AGPS: variants seen among roughly 807,000 people sequenced by gnomAD.
AGPS encodes alkylglycerone phosphate synthase, also known as alkyldihydroxyacetonephosphate synthase, peroxisomal.
AGPS carries 26 observed loss-of-function variants against 90.7 expected under a neutral mutation model. The ratio of observed to expected loss-of-function variants is 0.29; its 90% CI spans 0.21 to 0.40. The LOEUF (loss-of-function observed/expected upper bound fraction) is 0.40, where lower values mean the gene tolerates loss of function less well. AGPS is among the 10% of genes least tolerant of loss of function. The pLI is 1.00. For missense variants in AGPS, 540 were observed against 816.1 expected (o/e 0.66, Z 4.12); for synonymous variants, 294 against 285.3 (o/e 1.03, Z -0.31).
intron 10 of AGPS, among the ~76,000 whole-genome samples, chr2:177,476,944 C>G (rs1431086541): frequency 6.6e-6 from 1 of 151,892 alleles, no homozygotes; most frequent in Non-Finnish European, 1.5e-5. Flanking sequence ...CAGTCTGTTT[C>G]GTATGATATT....
At chr2:177,438,770 A>G (rs1686499707) in intron 5 of AGPS, among the ~76,000 whole-genome samples, 1 of 152,128 alleles carries the variant, frequency 6.6e-6, no homozygotes, top group Admixed American at 6.5e-5. Flanking sequence ...TTATAATTTT[A>G]TTCTGTTCAA....
intron 13 of AGPS, among the ~76,000 whole-genome samples, chr2:177,499,121 A>G (rs865865622): frequency 6.6e-6 from 1 of 151,820 alleles, no homozygotes; most frequent in South Asian, 2.1e-4. Flanking sequence ...TGTGTTTTAG[A>G]TATGTTTCCT....
At chr2:177,504,334 T>G (rs1220297923) in intron 14 of AGPS, among the ~76,000 whole-genome samples, 3 of 139,620 alleles carry the variant, frequency 2.1e-5, no homozygotes, top group African/African-American at 7.9e-5. Flanking sequence ...GCTTTCTACC[T>G]CCAACCTCAC....
chr2:177,520,318 T>C (rs931068586), intron 17 of AGPS, among the ~76,000 whole-genome samples: 54 of 152,362 alleles, frequency 3.5e-4, no homozygotes, highest in African/African-American at 1.2e-3. Flanking sequence ...TAATGTACTT[T>C]GAAGAGATTA....
At chr2:177,489,711 C>T (rs549083239) in intron 11 of AGPS, among the ~76,000 whole-genome samples, 9 of 152,138 alleles carry the variant, frequency 5.9e-5, no homozygotes, top group East Asian at 1.9e-4. Flanking sequence ...GGTACAAGTT[C>T]GATGATTTGA....
intron 5 of AGPS, among the ~76,000 whole-genome samples, chr2:177,439,355 T>C (rs1033607222): frequency 6.6e-6 from 1 of 152,144 alleles, no homozygotes; most frequent in African/African-American, 2.4e-5. Context: ...CGAACAAGGA[T>C]GTGTAGTGGA....
At chr2:177,407,845 G>T (rs1421084246) in intron 1 of AGPS, among the ~76,000 whole-genome samples, 1 of 148,034 alleles carries the variant, frequency 6.8e-6, no homozygotes, top group African/African-American at 2.5e-5. Flanking sequence ...TGTTACCCAG[G>T]TTGGAGTGTA....
At chr2:177,470,304 A>C (rs1047667055) in intron 10 of AGPS, among the ~76,000 whole-genome samples, 8 of 152,216 alleles carry the variant, frequency 5.3e-5, no homozygotes, top group Admixed American at 3.9e-4. Context: ...GCCTTTTAAA[A>C]TGATTTGAAC....
intron 17 of AGPS, among the ~76,000 whole-genome samples, chr2:177,515,941 G>A (rs1005626977): frequency 2.7e-5 from 1 of 37,622 alleles, no homozygotes; most frequent in African/African-American, 7.4e-5. Flanking sequence ...GGTTTGACCT[G>A]CTTAGTAGTG....
At chr2:177,461,244 G>A (rs966344553) in intron 8 of AGPS, among the ~76,000 whole-genome samples, 15 of 152,200 alleles carry the variant, frequency 9.9e-5, no homozygotes, top group Non-Finnish European at 2.2e-4. Context: ...TCAATCTCAG[G>A]TGCTGTGCAG....
chr2:177,543,506 G>A lies in AGPS; in HGVS notation c.*5311G>A, dbSNP rs566705689. 6 of 152,280 alleles carry A rather than the reference G, an allele frequency of 3.9e-5. No homozygotes were observed. The South Asian group carries it at 1.0e-3, about 26-fold the overall frequency. 9.4% of individuals were successfully genotyped at this position (152,280 alleles called of 1,614,324 possible). On this transcript the variant is annotated 3_prime_UTR_variant, in exon 20 of 20. Coordinates refer to ENST00000264167, the MANE Select transcript of AGPS (RefSeq NM_003659.4). ...CCTGCCAGGACTGTAGTAATCCTTT[G>A]GGAACTACATGTGAGTAAGCACTTG... is the stretch of plus-strand genomic sequence containing the variant.
Position 177,465,849 on chromosome 2 carries a change from G to A in AGPS, c.997-2567G>A, listed in dbSNP as rs552026423. 7.9e-5 allele frequency among the ~76,000 whole-genome samples: 12 copies of A among 152,310 alleles called. No individual in the cohort carries two copies. The East Asian group carries it at 9.6e-4, about 12-fold the overall frequency. ...CTTCTCTTTCCTCTCTTTCCCTCTC[G>A]TTGCCCTCCATGGGGCAAACAAGGG... On this transcript the variant is annotated intron_variant, in intron 9 of 19. Coordinates refer to ENST00000264167, the MANE Select transcript of AGPS (RefSeq NM_003659.4).
At chr2:177,510,649 T>G (rs1688843656) in intron 16 of AGPS, among the ~76,000 whole-genome samples, 1 of 152,244 alleles carries the variant, frequency 6.6e-6, no homozygotes, top group Admixed American at 6.5e-5. Flanking sequence ...TGATAATTTC[T>G]GTTTTATGCA....
intron 9 of AGPS, 100 bp downstream of exon 9, chr2:177,462,118 C>A: frequency 8.9e-7 from 1 of 1,125,052 alleles, no homozygotes; most frequent in Non-Finnish European, 1.2e-6. Context: ...GGCCTGGGCG[C>A]GGTGGCCAAT....
intron 15 of AGPS, 55 bp from the exon 16 acceptor site, chr2:177,507,915 T>C (rs1035519523): frequency 3.4e-6 from 4 of 1,190,590 alleles, no homozygotes; most frequent in African/African-American, 3.0e-5. Flanking sequence ...AACAGTGTTA[T>C]TGATTCTTCT....
chr2:177,422,725 T>G (rs139178167), intron 2 of AGPS, among the ~76,000 whole-genome samples: 133 of 152,320 alleles, frequency 8.7e-4, no homozygotes, highest in African/African-American at 3.1e-3. Flanking sequence ...TCAATTCCCA[T>G]TTTGGTGGGA....
At chr2:177,519,157 C>T (rs1689108235) in intron 17 of AGPS, among the ~76,000 whole-genome samples, 1 of 152,008 alleles carries the variant, frequency 6.6e-6, no homozygotes, top group East Asian at 1.9e-4. Context: ...CTCATTTTTC[C>T]CTGCTTTTTT....
In AGPS at chr2:177,393,049, G is replaced by A. The variant is rs1685066811; in HGVS notation, c.260G>A (p.Arg87Gln). The A allele has an allele frequency of 6.5e-7, 1 of 1,550,252 alleles. No homozygotes were observed. Among genetic ancestry groups the A allele is most frequent in the African/African-American group, 1.4e-5 (1 of 73,060 alleles). Residue 87 changes from arginine (R) to glutamine (Q), a missense_variant and splice_region_variant, in exon 1 of 20, where the codon CGG becomes CAG. By Grantham distance (43) the Arg-to-Gln change is conservative. Transcript: ENST00000264167. ...AQESGTIPKK[R>Q]QEVMKWNGWG... ...GAGTCGGGCACCATCCCAAAGAAGC[G>A]GTGAGTAGCGGTATGTGGAAGGAGT...
intron 18 of AGPS, among the ~76,000 whole-genome samples, chr2:177,522,300 T>G (rs755226436): frequency 1.3e-5 from 2 of 152,140 alleles, no homozygotes; most frequent in Non-Finnish European, 2.9e-5. Context: ...TACCACAGAG[T>G]GAAATTATTC....
Sources: allele counts gnomAD v4.1 joint callset (sites outside exome capture counted in the v4.1 genomes callset), GRCh38; gene constraint gnomAD v4.1.1; transcripts MANE v1.5; gene names NCBI Gene and HGNC (gene_info 2026-07-23, HGNC 2026-07-21).